Variants in DOCK4 observed in about 807,000 individuals in gnomAD.
The protein encoded by DOCK4 is dedicator of cytokinesis 4.
DOCK4 carries 97 observed loss-of-function variants against 268.1 expected under a neutral mutation model. The observed-to-expected ratio is 0.36, with a 90% CI of 0.31 to 0.43. DOCK4 has a LOEUF of 0.43. Ranked by LOEUF, DOCK4 falls within the 20% of genes least tolerant of loss-of-function variation. The pLI is 1.00. For missense variants in DOCK4, 2,145 were observed against 2,455.7 expected, an observed-to-expected ratio of 0.87 and a Z score of 2.67; for synonymous variants, 954 against 887.2, an observed-to-expected ratio of 1.08 and a Z score of -1.34.
intron 40 of DOCK4, 32 bp from the exon 41 acceptor site, chr7:111,758,822 C>G (rs538174883): frequency 3.1e-6 from 5 of 1,609,028 alleles, no homozygotes; most frequent in Non-Finnish European, 2.5e-6. Flanking sequence ...GAGAACCTGA[C>G]TTGGCAAACT....
rs375120505 is a variant in DOCK4, at chr7:111,839,931, T to C, written c.2736+4832A>G. The stretch of plus-strand genomic sequence containing the variant: ...CAATTACTAATGTATATTTTATCCA[T>C]AATGTAATTTTCTTTGTTTTTAAGA... On this transcript the variant is annotated intron_variant, in intron 25 of 52. Transcript: ENST00000428084. Among the ~76,000 whole-genome samples the C allele has an allele frequency of 5.9e-5, 9 of 152,324 alleles. No individual in the cohort carries two copies. In the East Asian group the frequency reaches 1.5e-3, roughly 26 times the overall value.
chr7:111,773,754 C>T (rs1209147822), intron 36 of DOCK4, among the ~76,000 whole-genome samples: 1 of 151,988 alleles, frequency 6.6e-6, no homozygotes, highest in Non-Finnish European at 1.5e-5. Context: ...CGGTAGCTCA[C>T]ATCTGTAATC....
chr7:112,133,434 A>G (rs983317235), intron 1 of DOCK4, among the ~76,000 whole-genome samples: 12 of 152,200 alleles, frequency 7.9e-5, no homozygotes, highest in African/African-American at 2.7e-4. Context: ...AAAGTATGCT[A>G]TAAAAAGGCT....
intron 1 of DOCK4, among the ~76,000 whole-genome samples, chr7:112,205,386 G>A (rs1821309855): frequency 6.6e-6 from 1 of 151,972 alleles, no homozygotes; most frequent in South Asian, 2.1e-4. Context: ...GGGTCGAGAG[G>A]GTGGCCAGAA....
At chr7:111,782,951 C>A in intron 34 of DOCK4, 27 bp from the exon 35 acceptor site, 1 of 1,597,472 alleles carries the variant, frequency 6.3e-7, no homozygotes, top group South Asian at 1.1e-5. Flanking sequence ...ATAGTCAGAA[C>A]TCAGAACTTC....
intron 16 of DOCK4, among the ~76,000 whole-genome samples, chr7:111,891,244 AGCAAT>A (rs1808264700): frequency 6.6e-6 from 1 of 152,106 alleles, no homozygotes; most frequent in Non-Finnish European, 1.5e-5. Flanking sequence ...AAAAAATTTA[AGCAAT>A]ATGAAAATAA....
intron 6 of DOCK4, among the ~76,000 whole-genome samples, chr7:111,987,347 GCCTGATCTACATT>G (rs1454580540): frequency 6.6e-6 from 1 of 151,958 alleles, no homozygotes; most frequent in Non-Finnish European, 1.5e-5. Flanking sequence ...TCATTTTCTT[GCCTGATCTACATT>G]CCTGTGTTAT....
intron 1 of DOCK4, among the ~76,000 whole-genome samples, chr7:112,101,942 A>T (rs1042137392): frequency 7.3e-5 from 11 of 151,194 alleles, no homozygotes; most frequent in Admixed American, 7.3e-4. Flanking sequence ...TCGCGGGTTC[A>T]CGCCATTCTC....
rs985043634 is a variant in DOCK4, at chr7:111,788,708, A to T, written c.3355T>A (p.Ser1119Thr). Residue 1119 changes from serine to threonine, a missense_variant, in exon 32 of 53, where the codon TCA (serine) becomes ACA (threonine). Around this residue, in one of 2 missense-constraint regions of DOCK4, gnomAD observed 1,598 missense variants for 1,986.7 expected, o/e 0.80. Coordinates refer to ENST00000428084, the MANE Select transcript of DOCK4 (RefSeq NM_001363540.2). ...TATGTTTCGTCACCTTTGCCTTCTG[A>T]CATCAGGCTATCCAGTTTGTCAATT... is the stretch of plus-strand genomic sequence containing the variant. Reference protein sequence around the residue: ...KLIDKLDSLMSEGKGDETYRE... With the variant: ...KLIDKLDSLMTEGKGDETYRE... 5.6e-6 allele frequency: 9 copies of T among 1,593,900 alleles called. No individual in the cohort carries two copies. In the African/African-American group the frequency reaches 1.2e-4, roughly 21 times the overall value.
At chr7:112,003,630 G>A (rs1800619785) in intron 2 of DOCK4, among the ~76,000 whole-genome samples, 1 of 152,146 alleles carries the variant, frequency 6.6e-6, no homozygotes, top group South Asian at 2.1e-4. Flanking sequence ...CTATAGGCCT[G>A]GAGCAGAGTT....
Position 111,900,409 on chromosome 7 carries a change from C to T in DOCK4, c.1445G>A (p.Gly482Asp), listed in dbSNP as rs776260521. The change falls in exon 15 of 53, where the codon GGT (glycine) becomes GAT (aspartate). Residue 482 changes from glycine (G) to aspartate (D), a missense_variant. Transcript: ENST00000428084. ...CCGAAACTCGAAGCGGATGTGTGCA[C>T]CCCGGAATTTATCCACAGGAATGGG... ...KLPIPVDKFRGAHIRFEFRHC... is the reference protein window; with the variant it reads ...KLPIPVDKFRDAHIRFEFRHC... The T allele has an allele frequency of 3.1e-6, 5 of 1,613,352 alleles. No individual in the cohort carries two copies. Among genetic ancestry groups the T allele is most frequent in the African/African-American group, 1.3e-5 (1 of 74,902 alleles).
chr7:111,807,953 G>A (rs1309156327), intron 30 of DOCK4: 1 of 151,902 alleles, frequency 6.6e-6, no homozygotes, highest in African/African-American at 2.4e-5. Flanking sequence ...CTGTTAACAT[G>A]AGTGGAAGTA....
At chr7:111,835,354 T>C (rs1803157544) in intron 25 of DOCK4, among the ~76,000 whole-genome samples, 1 of 152,206 alleles carries the variant, frequency 6.6e-6, no homozygotes, top group African/African-American at 2.4e-5. Flanking sequence ...TATTCAGATG[T>C]CTTGGAAGAT....
At chr7:112,034,502 C>A (rs1201626825) in intron 1 of DOCK4, among the ~76,000 whole-genome samples, 1 of 152,166 alleles carries the variant, frequency 6.6e-6, no homozygotes, top group Non-Finnish European at 1.5e-5. Flanking sequence ...AGACTAGACT[C>A]TTGTATGTAC....
chr7:112,074,850 C>T (rs529272253), intron 1 of DOCK4, among the ~76,000 whole-genome samples: 1 of 152,318 alleles, frequency 6.6e-6, no homozygotes, highest in South Asian at 2.1e-4. Context: ...TACAGCAGCA[C>T]TAGTAGAGCA....
At chr7:112,185,435 A>G (rs929883445) in intron 1 of DOCK4, among the ~76,000 whole-genome samples, 4 of 152,192 alleles carry the variant, frequency 2.6e-5, no homozygotes, top group African/African-American at 9.7e-5. Context: ...TCTACCTTAT[A>G]AGAGTTAAAA....
Position 111,755,528 on chromosome 7 carries a change from T to C in DOCK4, c.4403A>G (p.Glu1468Gly). 6.2e-7 allele frequency: 1 copy of C among 1,613,966 alleles called. No homozygotes were observed. The highest frequency in any genetic ancestry group is 8.5e-7 in the Non-Finnish European group (1 of 1,179,876). ...LPGISRWFEV[E>G]KREVVEMSPL... ...TCTGATCCTTACCACTTCACGCTTT[T>C]CCACTTCAAACCAGCGAGAGATGCC... is the stretch of plus-strand genomic sequence containing the variant. Residue 1468 changes from glutamate (E) to glycine (G), a missense_variant, in exon 42 of 53, where the codon GAA becomes GGA. Around this residue, in one of 2 missense-constraint regions of DOCK4, gnomAD observed 1,598 missense variants for 1,986.7 expected, o/e 0.80. Coordinates refer to ENST00000428084, the MANE Select transcript of DOCK4 (RefSeq NM_001363540.2).
chr7:111,855,237 A>G (rs957674673), intron 23 of DOCK4, among the ~76,000 whole-genome samples: 3 of 152,156 alleles, frequency 2.0e-5, no homozygotes, highest in African/African-American at 7.2e-5. Context: ...AACTTTGGCT[A>G]ATAGATGGGT....
chr7:111,979,922 G>A (rs1798482007), intron 7 of DOCK4, among the ~76,000 whole-genome samples: 1 of 152,118 alleles, frequency 6.6e-6, no homozygotes, highest in South Asian at 2.1e-4. Flanking sequence ...TTATGCCCAG[G>A]TCTTATCTCA....
Sources: gnomAD v4.1 joint callset for allele counts (sites outside exome capture counted in the v4.1 genomes callset) on GRCh38, gnomAD v4.1.1 for gene constraint, gnomAD v4.1.1 regional missense constraint, MANE v1.5 for transcripts, NCBI Gene and HGNC (gene_info 2026-07-23, HGNC 2026-07-21) for gene names.